Variants in DAPK1 observed in about 807,000 individuals in gnomAD.
DAPK1 encodes death associated protein kinase 1.
In DAPK1, 56 loss-of-function variants were observed where a neutral mutation model predicts 144.9. The ratio of observed to expected loss-of-function variants is 0.39; its 90% CI spans 0.31 to 0.48. The LOEUF is 0.48. DAPK1 is among the 20% of genes least tolerant of loss of function. The pLI, the probability that DAPK1 is intolerant of heterozygous loss-of-function variation, is 0.95. For missense variants in DAPK1, 1,454 were observed against 1,875.4 expected (o/e 0.78, Z 4.15); for synonymous variants, 690 against 749.0 (o/e 0.92, Z 1.29).
At chr9:87,508,315 T>G (rs1201449236) in intron 2 of DAPK1, among the ~76,000 whole-genome samples, 1 of 151,494 alleles carries the variant, frequency 6.6e-6, no homozygotes, top group South Asian at 2.1e-4. Context: ...CTGGTCCAAC[T>G]TTTCCTTTTC....
At chr9:87,633,274 A>G in intron 3 of DAPK1, 1 of 984,810 alleles carries the variant, frequency 1.0e-6, no homozygotes, top group Non-Finnish European at 1.2e-6. Context: ...AAATGTAGGG[A>G]TGAAGGGGGA....
chr9:87,701,796 G>A (rs531834179), intron 24 of DAPK1: 207 of 457,506 alleles, frequency 4.5e-4, no homozygotes, highest in South Asian at 3.2e-3. Flanking sequence ...GGTTCTAGAT[G>A]TGCTTCCAGA....
At chr9:87,615,600 A>G (rs1420050178) in intron 3 of DAPK1, among the ~76,000 whole-genome samples, 2 of 152,248 alleles carry the variant, frequency 1.3e-5, no homozygotes, top group African/African-American at 2.4e-5. Context: ...AGGCACTTGC[A>G]CTTAGGCATG....
rs1825629089 is a variant in DAPK1, at chr9:87,706,226, A to G, written c.3155A>G (p.Glu1052Gly). ...GTCCTGGGGAAGTTGCTGTCCGTGG[A>G]GACCCCACGGGCGCTGCACCACTAC... ...TNVLGKLLSV[E>G]TPRALHHYRG... The change falls in exon 26 of 26, where the codon GAG becomes GGG. Residue 1052 changes from glutamate to glycine, a missense_variant. By Grantham distance (98) the Glu-to-Gly change is moderately conservative (BLOSUM62 -2). This residue lies in a region of DAPK1 where 1,025 missense variants were observed against 1,237.9 expected (regional missense o/e 0.83). Coordinates refer to ENST00000408954, the MANE Select transcript of DAPK1 (RefSeq NM_004938.4). This position sits in a 1 kb window ranked among gnomAD's most constrained non-coding sequence, Gnocchi z 9.0. 6.2e-7 allele frequency: 1 copy of G among 1,612,214 alleles called. No homozygotes were observed. Among genetic ancestry groups the G allele is most frequent in the African/African-American group, 1.3e-5 (1 of 74,900 alleles).
intron 2 of DAPK1, among the ~76,000 whole-genome samples, chr9:87,589,030 A>G (rs113140856): frequency 0.099 from 14,714 of 148,034 alleles, 1,371 homozygotes; most frequent in African/African-American, 0.24. Flanking sequence ...CTGGGATTAC[A>G]GGCATGTACC....
intron 2 of DAPK1, among the ~76,000 whole-genome samples, chr9:87,570,226 C>T (rs1209737382): frequency 1.3e-5 from 2 of 152,136 alleles, no homozygotes; most frequent in South Asian, 4.1e-4. Flanking sequence ...CTCATTTTCC[C>T]TCCCATATGT....
Position 87,605,261 on chromosome 9 carries a change from G to A in DAPK1, c.284+86G>A. On this transcript the variant is annotated intron_variant, in intron 3 of 25. Coordinates refer to ENST00000408954, the MANE Select transcript of DAPK1 (RefSeq NM_004938.4). ...TTCCAGCTGGACCACGCCACAGCGA[G>A]CCCGAGAGAGGGATCAGGAATTGGT... 4 of 1,108,538 alleles carry A rather than the reference G, an allele frequency of 3.6e-6. No homozygotes were observed. In the South Asian group the frequency reaches 4.0e-5, roughly 11 times the overall value. The allele number at this position is 1,108,538 out of a possible 1,614,324, so 68.7% of individuals were successfully genotyped here. A position where few individuals can be genotyped will look rare whatever the true frequency, so the allele number is the denominator to read the frequency against.
chr9:87,626,176 G>C (rs143989863), intron 3 of DAPK1, among the ~76,000 whole-genome samples: 2 of 152,226 alleles, frequency 1.3e-5, no homozygotes, highest in Non-Finnish European at 2.9e-5. Context: ...AGCACTTTGG[G>C]AGGCCAAGGT....
chr9:87,584,956 C>T (rs1017045693), intron 2 of DAPK1, among the ~76,000 whole-genome samples: 2 of 152,120 alleles, frequency 1.3e-5, no homozygotes, highest in Non-Finnish European at 2.9e-5. Context: ...GGATTACAAG[C>T]GTGAGCCACT....
chr9:87,672,506 G>A (rs970565264), intron 19 of DAPK1, among the ~76,000 whole-genome samples: 1 of 152,154 alleles, frequency 6.6e-6, no homozygotes, highest in Non-Finnish European at 1.5e-5. Context: ...CTGTACCTGT[G>A]CTGAGCCACC....
intron 2 of DAPK1, among the ~76,000 whole-genome samples, chr9:87,505,246 A>C (rs1006867117): frequency 1.3e-5 from 2 of 152,236 alleles, no homozygotes; most frequent in African/African-American, 4.8e-5. Flanking sequence ...ATTTTGTATA[A>C]ATTAAGTGAA....
chr9:87,531,318 GT>G (rs1229919907), intron 2 of DAPK1, among the ~76,000 whole-genome samples: 3 of 152,094 alleles, frequency 2.0e-5, no homozygotes, highest in African/African-American at 7.2e-5. Context: ...CTCAGGCCTG[GT>G]CGTTCAAAGA....
rs1827344288 is a variant in DAPK1, at chr9:87,571,479, A to ACC, written c.63-33474_63-33473insCC. Among the ~76,000 whole-genome samples the ACC allele has an allele frequency of 3.8e-5, 2 of 52,822 alleles. 1 individual carries two copies. The highest frequency in any genetic ancestry group is 2.0e-4 in the African/African-American group (2 of 10,130). 34.7% of individuals were successfully genotyped at this position (52,822 alleles called of 152,430 possible). A position where few individuals can be genotyped will look rare whatever the true frequency, so the allele number is the denominator to read the frequency against. On this transcript the variant is annotated intron_variant, in intron 2 of 25. Transcript: ENST00000408954. The stretch of plus-strand genomic sequence containing the variant: ...CACACACACACACACACACACCAAC[A>ACC]CACACACACACACACCCCAACACAC...
chr9:87,499,297 A>G, intron 2 of DAPK1, 158 bp downstream of exon 2: 1 of 685,306 alleles, frequency 1.5e-6, no homozygotes, highest in Non-Finnish European at 2.5e-6. Flanking sequence ...CCAGCGGTAA[A>G]CCGCCTGATC....
intron 15 of DAPK1, among the ~76,000 whole-genome samples, 198 bp from the exon 16 acceptor site, chr9:87,649,723 C>G (rs1348918102): frequency 3.3e-5 from 5 of 152,144 alleles, no homozygotes; most frequent in Non-Finnish European, 7.4e-5. Flanking sequence ...GACATCAGAT[C>G]TACCTCTTAA....
chr9:87,540,660 C>T (rs537856521), intron 2 of DAPK1, among the ~76,000 whole-genome samples: 3 of 152,246 alleles, frequency 2.0e-5, no homozygotes, highest in South Asian at 4.1e-4. Context: ...ACGAGGTAAC[C>T]TTTTCCTGAA....
intron 2 of DAPK1, among the ~76,000 whole-genome samples, chr9:87,500,038 T>A (rs532835275): frequency 6.6e-6 from 1 of 152,320 alleles, no homozygotes; most frequent in South Asian, 2.1e-4. Context: ...TGTATTTACT[T>A]ATATGTGCAT....
At position 87,681,994 on chromosome 9, in the gene DAPK1, T is replaced by G. The variant is rs76369086; in HGVS notation, c.2224+368T>G. On this transcript the variant is annotated intron_variant, in intron 20 of 25. Coordinates refer to ENST00000408954, the MANE Select transcript of DAPK1 (RefSeq NM_004938.4). ...CCTTAGAGACAAAAAGAGCTCAAAC[T>G]CAAACAGTCCAAGCATAGCACAGAT... is the stretch of plus-strand genomic sequence containing the variant. Among the ~76,000 whole-genome samples, 1,636 of 152,250 alleles carry G rather than the reference T, an allele frequency of 0.011. 83 individuals carry two copies. The East Asian group carries it at 0.14, about 13-fold the overall frequency.
chr9:87,700,135 C>A lies in DAPK1; in HGVS notation c.2769C>A (p.His923Gln). ...CCCTTAGGTTTGGAAATGATCTTCA[C>A]ATTTCAAATAAGCTGTTTGTTCTGG... ...EIRNRFGNDL[H>Q]ISNKLFVLDA... The change falls in exon 24 of 26, where the codon CAC becomes CAA. Residue 923 changes from histidine to glutamine, a missense_variant. Around this residue, in one of 2 missense-constraint regions of DAPK1, gnomAD observed 1,025 missense variants for 1,237.9 expected, o/e 0.83. Transcript: ENST00000408954. 6.2e-7 allele frequency: 1 copy of A among 1,611,030 alleles called. No homozygotes were observed.
Sources: allele counts gnomAD v4.1 joint callset (sites outside exome capture counted in the v4.1 genomes callset), GRCh38; gene constraint gnomAD v4.1.1; regional missense constraint gnomAD v4.1.1; non-coding constraint Gnocchi (gnomAD v3.1); transcripts MANE v1.5; gene names NCBI Gene and HGNC (gene_info 2026-07-23, HGNC 2026-07-21).